Variants in CCDC125 observed in about 807,000 individuals in gnomAD.
CCDC125 encodes the protein coiled-coil domain containing 125, also known as coiled-coil domain-containing protein 125.
A neutral mutation model predicts 57.4 loss-of-function variants in CCDC125; 43 were observed. The ratio of observed to expected loss-of-function variants is 0.75; its 90% CI spans 0.59 to 0.97. The LOEUF (loss-of-function observed/expected upper bound fraction) is 0.97. CCDC125 is among the 50% of genes least tolerant of loss of function. The probability of loss-of-function intolerance (pLI) is 0.00; values close to 1 mark genes in which losing one functional copy is unlikely to be tolerated. For synonymous variants in CCDC125, 187 were observed against 195.2 expected (o/e 0.96, Z 0.35); for missense variants, 563 against 595.7 (o/e 0.95, Z 0.57).
At chr5:69,331,355 C>A (rs1346522434) in intron 1 of CCDC125, among the ~76,000 whole-genome samples, 2 of 151,796 alleles carry the variant, frequency 1.3e-5, no homozygotes, top group Non-Finnish European at 2.9e-5. Context: ...GCCTCAGCCT[C>A]CCCAGTAGCG....
the CCDC125 span, among the ~76,000 whole-genome samples, chr5:69,274,643 T>G: frequency 6.6e-6 from 1 of 152,088 alleles, no homozygotes; most frequent in Non-Finnish European, 1.5e-5. Context: ...TGAGACGAAG[T>G]CTTGCTCTGT....
At chr5:69,314,111 T>C in intron 2 of CCDC125, 65 bp from the exon 3 acceptor site, 1 of 1,106,054 alleles carries the variant, frequency 9.0e-7, no homozygotes, top group Non-Finnish European at 1.4e-6. Context: ...TAATTAAACA[T>C]AGGACATTTG....
chr5:69,284,163 T>C (rs970902532), intron 11 of CCDC125, among the ~76,000 whole-genome samples: 3 of 151,974 alleles, frequency 2.0e-5, no homozygotes, highest in Non-Finnish European at 4.4e-5. Flanking sequence ...GCAAGTCATC[T>C]GGAAATGAAG....
chr5:69,329,075 G>A (rs1761090226), intron 1 of CCDC125, among the ~76,000 whole-genome samples: 1 of 151,750 alleles, frequency 6.6e-6, no homozygotes, highest in African/African-American at 2.4e-5. Flanking sequence ...TTAGAGGCGT[G>A]AGCCACCACG....
In CCDC125 at chr5:69,280,450, C is replaced by T. The variant is rs946685105; in HGVS notation, c.*2279G>A. 6.6e-6 allele frequency: 1 copy of T among 152,210 alleles called. No individual in the cohort carries two copies. The highest frequency in any genetic ancestry group is 1.5e-5 in the Non-Finnish European group (1 of 68,048). The allele number at this position is 152,210 out of a possible 1,614,324, so 9.4% of individuals were successfully genotyped here. The stretch of plus-strand genomic sequence containing the variant: ...ACCCAGGACATGATTACTGCAACAC[C>T]TCACCTCCTTATGAATAATAATGCA... On this transcript the variant is annotated 3_prime_UTR_variant, in exon 12 of 12. Transcript: ENST00000396496.
At chr5:69,319,218 GTA>G (rs1759635165) in intron 2 of CCDC125, among the ~76,000 whole-genome samples, 1 of 151,916 alleles carries the variant, frequency 6.6e-6, no homozygotes, top group Non-Finnish European at 1.5e-5. Context: ...ATGAGCCACT[GTA>G]CCCGGCCTGC....
chr5:69,317,491 C>T (rs560117498), intron 2 of CCDC125, among the ~76,000 whole-genome samples: 4 of 151,830 alleles, frequency 2.6e-5, no homozygotes, highest in African/African-American at 4.9e-5. Flanking sequence ...CGAGCTACCA[C>T]GTATTTTTGT....
intron 10 of CCDC125, among the ~76,000 whole-genome samples, chr5:69,288,226 T>C (rs1753827157): frequency 6.6e-6 from 1 of 152,112 alleles, no homozygotes; most frequent in Admixed American, 6.5e-5. Flanking sequence ...GAAGCATCTT[T>C]TGTTCTAATG....
rs184354639 is a variant in CCDC125, at chr5:69,294,267, G to A, written c.924+526C>T. On this transcript the variant is annotated intron_variant, in intron 9 of 11. Coordinates refer to ENST00000396496, the MANE Select transcript of CCDC125 (RefSeq NM_176816.5). ...TTTAGGAATATTAATTATGAACTTA[G>A]GCAAATGACTTTAGGTAGCTTCAAA... is the stretch of plus-strand genomic sequence containing the variant. The A allele has an allele frequency of 1.7e-5, 6 of 350,702 alleles. No individual in the cohort carries two copies. The Admixed American group carries it at 3.9e-4, about 23-fold the overall frequency. 21.7% of individuals were successfully genotyped at this position (350,702 alleles called of 1,614,324 possible). A position where few individuals can be genotyped will look rare whatever the true frequency, so the allele number is the denominator to read the frequency against.
At chr5:69,319,949 C>T (rs1318703656) in intron 2 of CCDC125, among the ~76,000 whole-genome samples, 3 of 152,004 alleles carry the variant, frequency 2.0e-5, no homozygotes, top group Admixed American at 6.6e-5. Context: ...GGTGAAACCT[C>T]GCCTCTACTA....
At chr5:69,285,755 G>A (rs1579946255) in intron 10 of CCDC125, among the ~76,000 whole-genome samples, 1 of 152,180 alleles carries the variant, frequency 6.6e-6, no homozygotes, top group Non-Finnish European at 1.5e-5. Flanking sequence ...AGCCAGAAAT[G>A]CAGATCTGTC....
intron 1 of CCDC125, among the ~76,000 whole-genome samples, chr5:69,328,673 C>G (rs1335253984): frequency 1.3e-5 from 2 of 151,972 alleles, no homozygotes; most frequent in Non-Finnish European, 2.9e-5. Flanking sequence ...TTTCCATATA[C>G]CATTTTTATA....
Position 69,312,368 on chromosome 5 carries a change from T to C in CCDC125, c.367-1164A>G, listed in dbSNP as rs1256914476. Among the ~76,000 whole-genome samples the C allele has an allele frequency of 4.6e-5, 7 of 152,176 alleles. No homozygotes were observed. In the South Asian group the frequency reaches 6.2e-4, roughly 14 times the overall value. On this transcript the variant is annotated intron_variant, in intron 3 of 11. Coordinates refer to ENST00000396496, the MANE Select transcript of CCDC125 (RefSeq NM_176816.5). ...CTAAAAGCAAACAGATTTCTGCTGT[T>C]TTAAGCCACCAGTTTGTGGTACATT...
chr5:69,286,576 TACC>T (rs1452359916), intron 10 of CCDC125, among the ~76,000 whole-genome samples: 2 of 151,906 alleles, frequency 1.3e-5, no homozygotes, highest in Non-Finnish European at 2.9e-5. Flanking sequence ...CAACAAAAAA[TACC>T]ACAATTGTCA....
chr5:69,284,208 A>T (rs1752937376), intron 11 of CCDC125, among the ~76,000 whole-genome samples: 1 of 152,210 alleles, frequency 6.6e-6, no homozygotes, highest in Non-Finnish European at 1.5e-5. Flanking sequence ...GTGTATATAT[A>T]GGTATATAAT....
At chr5:69,276,826 G>C, downstream of CCDC125, 1 of 811,966 alleles carries the variant, frequency 1.2e-6, no homozygotes, top group Non-Finnish European at 1.9e-6. Flanking sequence ...ATTGTATAAA[G>C]TAGAGAGACT....
In CCDC125 at chr5:69,282,959, CTT is replaced by C. The variant is rs759777170; in HGVS notation, c.1304_1305del (p.Lys435ArgfsTer8). 7.4e-6 allele frequency: 12 copies of C among 1,613,510 alleles called. No homozygotes were observed. The South Asian group carries it at 1.2e-4, about 16-fold the overall frequency. ...SYMLARALED[K>X]DTASNENKEK... is the part of the protein sequence containing the mutation. ...TCTTTATTCTCGTTTGAAGCAGTGT[CTT>C]TGTCTTCCAATGCCCGAGCAAGCAT... is the stretch of plus-strand genomic sequence containing the variant. On this transcript the variant is annotated frameshift_variant, in exon 12 of 12. Coordinates refer to ENST00000396496, the MANE Select transcript of CCDC125 (RefSeq NM_176816.5). LOFTEE classifies it low-confidence loss of function (END_TRUNC).
At chr5:69,284,041 G>A (rs745892218) in intron 11 of CCDC125, among the ~76,000 whole-genome samples, 105 of 151,746 alleles carry the variant, frequency 6.9e-4, no homozygotes, top group South Asian at 1.2e-3. Flanking sequence ...CACCCGCCTC[G>A]GCTTCCCAAA....
intron 6 of CCDC125, 77 bp from the exon 7 acceptor site, chr5:69,304,006 T>C: frequency 1.3e-6 from 1 of 760,522 alleles, no homozygotes; most frequent in Non-Finnish European, 2.1e-6. Context: ...TTGCCATAAT[T>C]GGAACACAAA....
Sources: gnomAD v4.1 joint callset for allele counts (sites outside exome capture counted in the v4.1 genomes callset) on GRCh38, gnomAD v4.1.1 for gene constraint, MANE v1.5 for transcripts, NCBI Gene and HGNC (gene_info 2026-07-23, HGNC 2026-07-21) for gene names.